The following GLIS1 variants were observed in gnomAD, a reference collection of about 807,000 sequenced individuals.
GLIS1 encodes zinc finger protein GLIS1.
GLIS1 carries 24 observed loss-of-function variants against 63.8 expected under a neutral mutation model. That is an observed-to-expected ratio of 0.38 (90% confidence interval 0.27 to 0.53). GLIS1 has a LOEUF of 0.53. Among genes scored for constraint, GLIS1 ranks in the 20% least tolerant of loss-of-function variants. The pLI, the probability that GLIS1 is intolerant of heterozygous loss-of-function variation, is 0.85. For missense variants in GLIS1, 1,036 were observed against 1,074.1 expected (o/e 0.96, Z 0.50); for synonymous variants, 450 against 482.5 (o/e 0.93, Z 0.88).
chr1:53,651,093 AAAAT>A (rs2100327335), intron 2 of GLIS1, among the ~76,000 whole-genome samples: 1 of 152,372 alleles, frequency 6.6e-6, no homozygotes, highest in Non-Finnish European at 1.5e-5. Flanking sequence ...GTAAAAAATA[AAAAT>A]TAAAAAAAGT....
chr1:53,689,915 A>G (rs999522775), intron 2 of GLIS1, among the ~76,000 whole-genome samples: 1 of 151,946 alleles, frequency 6.6e-6, no homozygotes, highest in Non-Finnish European at 1.5e-5. Context: ...TATCCCCACC[A>G]CTGTGCACCT....
chr1:53,519,706 T>C (rs1195784496), intron 7 of GLIS1, among the ~76,000 whole-genome samples: 1 of 152,160 alleles, frequency 6.6e-6, no homozygotes, highest in Non-Finnish European at 1.5e-5. Context: ...CCAAAGGCCC[T>C]TAGCATCTGG....
chr1:53,620,000 A>G (rs1645525129), intron 2 of GLIS1, among the ~76,000 whole-genome samples: 1 of 152,214 alleles, frequency 6.6e-6, no homozygotes, highest in Admixed American at 6.5e-5. Context: ...TCTCCTTGGC[A>G]TCCTGGGAGG....
chr1:53,644,262 C>G (rs1219634682), intron 2 of GLIS1, among the ~76,000 whole-genome samples: 2 of 152,194 alleles, frequency 1.3e-5, no homozygotes. Flanking sequence ...AAAACTGTAC[C>G]CCATCCTGTC....
At chr1:53,732,420 C>T (rs544434049) in intron 2 of GLIS1, among the ~76,000 whole-genome samples, 1 of 152,032 alleles carries the variant, frequency 6.6e-6, no homozygotes, top group Non-Finnish European at 1.5e-5. Context: ...GCTTTCCTTA[C>T]TCAGTAACTC....
At chr1:53,575,149 A>G (rs1022838594) in intron 4 of GLIS1, among the ~76,000 whole-genome samples, 6 of 152,244 alleles carry the variant, frequency 3.9e-5, no homozygotes, top group Non-Finnish European at 8.8e-5. Flanking sequence ...CTAGAATTAA[A>G]TTATCTGTGA....
At chr1:53,630,226 C>A (rs866609194) in intron 2 of GLIS1, among the ~76,000 whole-genome samples, 1 of 152,104 alleles carries the variant, frequency 6.6e-6, no homozygotes, top group Non-Finnish European at 1.5e-5. Context: ...GATATCACAC[C>A]ATGATTTATT....
chr1:53,526,035 C>A lies in GLIS1; in HGVS notation c.1483-1148G>T, dbSNP rs191680949. Among the ~76,000 whole-genome samples the A allele has an allele frequency of 6.6e-6, 1 of 152,286 alleles. No individual in the cohort carries two copies. The highest frequency in any genetic ancestry group is 1.9e-4 in the East Asian group (1 of 5,186). On this transcript the variant is annotated intron_variant, in intron 5 of 10. Coordinates refer to ENST00000628545, the MANE Select transcript of GLIS1 (RefSeq NM_001367484.1). The surrounding 1 kb of genome is among the most constrained non-coding windows in gnomAD (Gnocchi z 4.4). ...ACAGGACCCTGCTTGAGGACTCTGG[C>A]CGCTGCTGGGGCTTGAAGCTTACAA...
chr1:53,514,632 G>A lies in GLIS1; in HGVS notation c.1876C>T (p.Arg626Trp), dbSNP rs747805237. 31 of 1,613,246 alleles carry A rather than the reference G, an allele frequency of 1.9e-5. No individual in the cohort carries two copies. The highest frequency in any genetic ancestry group is 2.5e-5 in the Non-Finnish European group (29 of 1,179,780). ...CTGGCCTGGTGTACATACCCATCCC[G>A]GGTGCTCTCAGCCATGGGCAGAGGG... The part of the protein sequence containing the change: ...LSPLPMAEST[R>W]DGLGPGLLSP... Residue 626 changes from arginine to tryptophan, a missense_variant, in exon 8 of 11, where the codon CGG (arginine) becomes TGG (tryptophan). By Grantham distance (101) the Arg-to-Trp change is moderately radical. Coordinates refer to ENST00000628545, the MANE Select transcript of GLIS1 (RefSeq NM_001367484.1).
At chr1:53,722,952 G>A (rs1295146740) in intron 2 of GLIS1, among the ~76,000 whole-genome samples, 1 of 151,846 alleles carries the variant, frequency 6.6e-6, no homozygotes. Context: ...GGCCAACATG[G>A]TGAAACCCCA....
At chr1:53,679,945 C>A (rs1437981518) in intron 2 of GLIS1, among the ~76,000 whole-genome samples, 1 of 152,310 alleles carries the variant, frequency 6.6e-6, no homozygotes, top group Middle Eastern at 3.4e-3. Context: ...ACCCCATGTT[C>A]CTGTGGCACC....
chr1:53,576,881 T>G (rs555379329), intron 4 of GLIS1, among the ~76,000 whole-genome samples: 1 of 152,198 alleles, frequency 6.6e-6, no homozygotes, highest in South Asian at 2.1e-4. Context: ...GCTTTCAAAC[T>G]GCCCTTTTCT....
chr1:53,658,104 C>G (rs1645986631), intron 2 of GLIS1, among the ~76,000 whole-genome samples: 1 of 152,202 alleles, frequency 6.6e-6, no homozygotes, highest in African/African-American at 2.4e-5. Flanking sequence ...ATGGAGCACA[C>G]TCTTCAGAGG....
chr1:53,653,409 C>G (rs566454738), intron 2 of GLIS1, among the ~76,000 whole-genome samples: 1 of 152,086 alleles, frequency 6.6e-6, no homozygotes, highest in Non-Finnish European at 1.5e-5. Context: ...CAACATGCAT[C>G]ACAGCCCGGC....
At chr1:53,601,824 C>T (rs977984196) in intron 2 of GLIS1, among the ~76,000 whole-genome samples, 6 of 152,234 alleles carry the variant, frequency 3.9e-5, no homozygotes, top group African/African-American at 1.4e-4. Flanking sequence ...TTCTAGCCCA[C>T]CCTCAAGGCA....
At chr1:53,614,966 TTAAA>T (rs1645465481) in intron 2 of GLIS1, among the ~76,000 whole-genome samples, 1 of 152,128 alleles carries the variant, frequency 6.6e-6, no homozygotes, top group Admixed American at 6.5e-5. Context: ...ACATAAATTT[TTAAA>T]TAATTTTTAA....
intron 5 of GLIS1, 92 bp from the exon 6 acceptor site, chr1:53,524,979 G>C (rs1218273756): frequency 1.1e-6 from 1 of 942,628 alleles, no homozygotes; most frequent in African/African-American, 1.6e-5. Context: ...GTGACCAGGC[G>C]AGAGGCTGGC....
chr1:53,676,391 G>C (rs1217372430), intron 2 of GLIS1, among the ~76,000 whole-genome samples: 3 of 152,056 alleles, frequency 2.0e-5, no homozygotes, highest in Non-Finnish European at 4.4e-5. Context: ...CTAAGGGCTG[G>C]GCTACCCGCC....
intron 2 of GLIS1, among the ~76,000 whole-genome samples, chr1:53,622,193 C>T (rs543273241): frequency 1.3e-5 from 2 of 151,064 alleles, no homozygotes; most frequent in South Asian, 2.2e-4. Context: ...TTTGGGAGGC[C>T]GAGGTGGGTG....
Sources: allele counts gnomAD v4.1 joint callset (sites outside exome capture counted in the v4.1 genomes callset), GRCh38; gene constraint gnomAD v4.1.1; non-coding constraint Gnocchi (gnomAD v3.1); transcripts MANE v1.5; gene names NCBI Gene and HGNC (gene_info 2026-07-23, HGNC 2026-07-21).